Variants in IP6K2 observed in about 807,000 individuals in gnomAD.
IP6K2 encodes the protein ATP:1D-myo-inositol-hexakisphosphate phosphotransferase.
IP6K2 carries 9 observed loss-of-function variants against 43.3 expected under a neutral mutation model. The observed-to-expected ratio is 0.21, with a 90% CI of 0.13 to 0.36. The LOEUF (loss-of-function observed/expected upper bound fraction) is 0.36. IP6K2 is among the 10% of genes least tolerant of loss of function. The probability of loss-of-function intolerance (pLI) is 1.00; values close to 1 mark genes in which losing one functional copy is unlikely to be tolerated. For synonymous variants in IP6K2, 209 were observed against 202.4 expected, an observed-to-expected ratio of 1.03 and a Z score of -0.28; for missense variants, 332 against 538.4, an observed-to-expected ratio of 0.62 and a Z score of 3.79.
chr3:48,710,889 G>A (rs562300863), intron 1 of IP6K2, among the ~76,000 whole-genome samples: 77 of 152,178 alleles, frequency 5.1e-4, no homozygotes, highest in Non-Finnish European at 9.7e-4. Flanking sequence ...GATTACAGGC[G>A]TGAGCCACCG....
chr3:48,711,187 G>A (rs1008863915), intron 1 of IP6K2, among the ~76,000 whole-genome samples: 6 of 152,034 alleles, frequency 3.9e-5, no homozygotes, highest in Admixed American at 2.6e-4. Flanking sequence ...CCAGGATTAC[G>A]GGCATGAACC....
intron 1 of IP6K2, among the ~76,000 whole-genome samples, chr3:48,712,399 C>T (rs1363839447): frequency 2.6e-5 from 4 of 151,728 alleles, no homozygotes; most frequent in Non-Finnish European, 4.4e-5. Context: ...CCCACCACCA[C>T]ACCCGGCTAA....
At position 48,688,240 on chromosome 3, in the gene IP6K2, A is replaced by G. The variant is rs748212331; in HGVS notation, c.*33T>C. The G allele has an allele frequency of 1.2e-6, 2 of 1,602,926 alleles. No individual in the cohort carries two copies. Among genetic ancestry groups the G allele is most frequent in the South Asian group, 2.2e-5 (2 of 89,788 alleles). ...CAGCACAGCTGTGCCTGGGACACAGAGTCGCTCTCAAGTACTGGAGCAGCT... is the reference window on the plus strand; with the variant it reads ...CAGCACAGCTGTGCCTGGGACACAGGGTCGCTCTCAAGTACTGGAGCAGCT... On this transcript the variant is annotated 3_prime_UTR_variant, in exon 6 of 6. Transcript: ENST00000328631. This position sits in a 1 kb window ranked among gnomAD's most constrained non-coding sequence, Gnocchi z 5.1.
intron 1 of IP6K2, among the ~76,000 whole-genome samples, chr3:48,710,750 C>A (rs2080399917): frequency 6.6e-6 from 1 of 152,130 alleles, no homozygotes; most frequent in Admixed American, 6.5e-5. Context: ...GCTGGGACTA[C>A]AGGTGGCCAC....
intron 1 of IP6K2, chr3:48,715,182 T>C (rs2081053228): frequency 1.0e-6 from 1 of 952,774 alleles, no homozygotes; most frequent in Non-Finnish European, 1.6e-6. Context: ...AATCATCTGC[T>C]TACTTTCTAA....
chr3:48,710,649 G>A (rs1238589513), intron 1 of IP6K2, among the ~76,000 whole-genome samples: 2 of 151,614 alleles, frequency 1.3e-5, no homozygotes, highest in Non-Finnish European at 2.9e-5. Flanking sequence ...TCACTCTGTC[G>A]CCCAGGCTGG....
rs766598024 is a variant in IP6K2 at position 48,695,252 on chromosome 3, C to G, written c.40G>C (p.Ala14Pro). The stretch of plus-strand genomic sequence containing the variant: ...AAGGGCTCCAGAAGGACGCCTTTGG[C>G]GCGGGGCTCCACATCCATGGCCCTG... ...AFRAMDVEPR[A>P]KGVLLEPFVH... Residue 14 changes from alanine to proline, a missense_variant, in exon 2 of 6, where the codon GCC becomes CCC. By Grantham distance (27) the Ala-to-Pro change is conservative (BLOSUM62 -1). Transcript: ENST00000328631. The surrounding 1 kb of genome is among the most constrained non-coding windows in gnomAD (Gnocchi z 4.6). 1 of 1,581,646 alleles carries G rather than the reference C, an allele frequency of 6.3e-7. No individual in the cohort carries two copies. Among genetic ancestry groups the G allele is most frequent in the Non-Finnish European group, 8.6e-7 (1 of 1,158,984 alleles).
At position 48,691,412 on chromosome 3, in the gene IP6K2, CCTT is replaced by C; in HGVS notation, c.496_498del (p.Lys166del). On this transcript the variant is annotated inframe_deletion, in exon 4 of 6. Coordinates refer to ENST00000328631, the MANE Select transcript of IP6K2 (RefSeq NM_016291.4). ...TGTTTAAGCTGGGAACTTATATTCC[CCTT>C]CTTCTCTACAGTGTAGTACAAGACT... The C allele has an allele frequency of 1.9e-6, 3 of 1,613,174 alleles. No homozygotes were observed. The highest frequency in any genetic ancestry group is 2.5e-6 in the Non-Finnish European group (3 of 1,179,124).
At chr3:48,697,488 A>ATTTTTTTTT (rs35746542) in intron 1 of IP6K2, among the ~76,000 whole-genome samples, 967 of 64,394 alleles carry the variant, frequency 0.015, no homozygotes, top group Non-Finnish European at 0.018. Flanking sequence ...ATGCCTGGCT[A>ATTTTTTTTT]TTTTTTTTTT....
At chr3:48,693,760 G>C in intron 2 of IP6K2, 1 of 1,038,194 alleles carries the variant, frequency 9.6e-7, no homozygotes. Flanking sequence ...TAGGCACCCA[G>C]GCCTTTTGTT....
chr3:48,713,739 C>G (rs200742231), intron 1 of IP6K2, among the ~76,000 whole-genome samples: 1 of 146,822 alleles, frequency 6.8e-6, no homozygotes, highest in Non-Finnish European at 1.5e-5. Flanking sequence ...TGCAGTGAGC[C>G]GAGATCACAC....
intron 1 of IP6K2, among the ~76,000 whole-genome samples, chr3:48,696,518 G>A (rs1397942312): frequency 6.6e-6 from 1 of 152,160 alleles, no homozygotes; most frequent in African/African-American, 2.4e-5. Context: ...ATCAGAGCTC[G>A]CATCCACTCA....
chr3:48,693,145 G>A lies in IP6K2; in HGVS notation c.237C>T (p.Asp79=), dbSNP rs1481611008. ...VVSVRFEEDE[D]RNLCLIAYPL... ...GATATGCTATTAGACACAAGTTCCT[G>A]TCTTCATCTTCTTCAAAGCGCACAG... The change falls in exon 3 of 6, where the codon GAC becomes GAT. Residue 79 remains aspartate (D), a synonymous_variant. Transcript: ENST00000328631. 5 of 1,614,168 alleles carry A rather than the reference G, an allele frequency of 3.1e-6. No homozygotes were observed. The highest frequency in any genetic ancestry group is 3.4e-6 in the Non-Finnish European group (4 of 1,180,008).
Position 48,717,180 on chromosome 3 carries a change from G to T in IP6K2, c.-154C>A, listed in dbSNP as rs959374193. On this transcript the variant is annotated 5_prime_UTR_variant, in exon 1 of 6. Coordinates refer to ENST00000328631, the MANE Select transcript of IP6K2 (RefSeq NM_016291.4). ...ACCTGCCGCCTCAGCCGGGTTCCTC[G>T]GCGTTTCCGTCCTATTGTTTCTCTC... 6.5e-6 allele frequency: 1 copy of T among 154,822 alleles called. No individual in the cohort carries two copies. Among genetic ancestry groups the T allele is most frequent in the Non-Finnish European group, 1.5e-5 (1 of 68,224 alleles). 9.6% of individuals were successfully genotyped at this position (154,822 alleles called of 1,614,324 possible).
intron 3 of IP6K2, among the ~76,000 whole-genome samples, chr3:48,692,463 A>G (rs1290570360): frequency 2.6e-5 from 4 of 152,348 alleles, no homozygotes; most frequent in South Asian, 4.1e-4. Context: ...ATAGGAACTG[A>G]AATTCCATGG....
At chr3:48,705,673 A>G (rs1336282384) in intron 1 of IP6K2, among the ~76,000 whole-genome samples, 1 of 150,856 alleles carries the variant, frequency 6.6e-6, no homozygotes, top group Non-Finnish European at 1.5e-5. Context: ...AAAAAAGGCT[A>G]TTCACAAGCC....
intron 2 of IP6K2, chr3:48,693,494 A>C: frequency 6.2e-6 from 8 of 1,285,826 alleles, no homozygotes; most frequent in Non-Finnish European, 7.9e-6. Flanking sequence ...TAATTCTTCT[A>C]ATCCTAAAAG....
At chr3:48,690,788 A>C (rs1054523580) in intron 4 of IP6K2, among the ~76,000 whole-genome samples, 4 of 139,048 alleles carry the variant, frequency 2.9e-5, no homozygotes, top group African/African-American at 8.1e-5. Context: ...ACTCTGTCTC[A>C]AAAAAAAAAA....
chr3:48,689,761 G>A (rs766392264), intron 4 of IP6K2, 48 bp from the exon 5 acceptor site: 1 of 1,541,072 alleles, frequency 6.5e-7, no homozygotes, highest in Non-Finnish European at 8.9e-7. Flanking sequence ...TACTGCATGG[G>A]TCCTTGGCAC....
Sources: allele counts gnomAD v4.1 joint callset (sites outside exome capture counted in the v4.1 genomes callset), GRCh38; gene constraint gnomAD v4.1.1; non-coding constraint Gnocchi (gnomAD v3.1); transcripts MANE v1.5; gene names NCBI Gene and HGNC (gene_info 2026-07-23, HGNC 2026-07-21).